EPHA3: variants seen among roughly 807,000 people sequenced by gnomAD.
EPHA3 encodes EPH receptor A3.
EPHA3 carries 42 observed loss-of-function variants against 107.1 expected under a neutral mutation model. The ratio of observed to expected loss-of-function variants is 0.39; its 90% confidence interval spans 0.31 to 0.51. The LOEUF (loss-of-function observed/expected upper bound fraction) is 0.51. Among genes scored for constraint, EPHA3 ranks in the 20% least tolerant of loss-of-function variants. The pLI is 0.78. For synonymous variants in EPHA3, 461 were observed against 424.8 expected (o/e 1.09, Z -1.05); for missense variants, 1,183 against 1,211.2 (o/e 0.98, Z 0.35).
At chr3:89,238,827 A>G (rs1704829926) in intron 3 of EPHA3, among the ~76,000 whole-genome samples, 1 of 152,190 alleles carries the variant, frequency 6.6e-6, no homozygotes, top group Non-Finnish European at 1.5e-5. Flanking sequence ...TAAACTACTC[A>G]TAGTGTTTAT....
chr3:89,450,062 G>A, intron 14 of EPHA3, 115 bp from the exon 15 acceptor site: 1 of 829,562 alleles, frequency 1.2e-6, no homozygotes. Context: ...AAAATGAGAA[G>A]TTTTCCCACT....
chr3:89,133,955 G>A (rs982896774), intron 2 of EPHA3, among the ~76,000 whole-genome samples: 7 of 151,732 alleles, frequency 4.6e-5, no homozygotes, highest in African/African-American at 9.7e-5. Flanking sequence ...ACTTTTCGTC[G>A]CACGTTACAA....
chr3:89,257,890 T>G (rs1434016381), intron 3 of EPHA3, among the ~76,000 whole-genome samples: 1 of 151,998 alleles, frequency 6.6e-6, no homozygotes, highest in Non-Finnish European at 1.5e-5. Context: ...CTGGCCAACA[T>G]GGATGCTAAG....
At chr3:89,350,593 G>C (rs535478971) in intron 5 of EPHA3, among the ~76,000 whole-genome samples, 1 of 149,410 alleles carries the variant, frequency 6.7e-6, no homozygotes, top group African/African-American at 2.5e-5. Flanking sequence ...TAATTTGATC[G>C]TCTGAAGCCT....
In EPHA3 at chr3:89,440,266, A is replaced by C. The variant is rs574978532; in HGVS notation, c.2346+8907A>C. On this transcript the variant is annotated intron_variant, in intron 13 of 16. Transcript: ENST00000336596. ...GTTCCACTTTTAACCTGAGAAGCTA[A>C]TATTTCCCTCCAGGTTAAATACTCA... 1.3e-4 allele frequency among the ~76,000 whole-genome samples: 20 copies of C among 152,290 alleles called. No individual in the cohort carries two copies. In the South Asian group the frequency reaches 4.1e-3, roughly 32 times the overall value.
At chr3:89,249,613 A>C (rs1705114605) in intron 3 of EPHA3, among the ~76,000 whole-genome samples, 1 of 151,894 alleles carries the variant, frequency 6.6e-6, no homozygotes, top group African/African-American at 2.4e-5. Flanking sequence ...GTCGTATGCC[A>C]CCATGCCCTG....
At chr3:89,224,507 T>C (rs1012564734) in intron 3 of EPHA3, among the ~76,000 whole-genome samples, 7 of 152,274 alleles carry the variant, frequency 4.6e-5, no homozygotes, top group Admixed American at 3.9e-4. Context: ...GGAAGATGGT[T>C]AGAAACAGCC....
At chr3:89,149,689 T>A (rs1297039766) in intron 2 of EPHA3, among the ~76,000 whole-genome samples, 1 of 141,716 alleles carries the variant, frequency 7.1e-6, no homozygotes, top group Non-Finnish European at 1.5e-5. Context: ...TGTGTCCATG[T>A]GTTCTCATTG....
intron 5 of EPHA3, among the ~76,000 whole-genome samples, chr3:89,359,828 T>TACAA (rs779168397): frequency 7.5e-6 from 1 of 134,040 alleles, no homozygotes; most frequent in Non-Finnish European, 1.6e-5. Flanking sequence ...TATACATATA[T>TACAA]ATATACATAT....
chr3:89,319,892 C>A (rs753590725), intron 3 of EPHA3, among the ~76,000 whole-genome samples: 2 of 151,730 alleles, frequency 1.3e-5, no homozygotes, highest in Non-Finnish European at 2.9e-5. Context: ...TTTTAAAACT[C>A]GTGGGCTTGT....
At chr3:89,406,256 A>G (rs1709052394) in intron 7 of EPHA3, among the ~76,000 whole-genome samples, 3 of 152,144 alleles carry the variant, frequency 2.0e-5, no homozygotes, top group Non-Finnish European at 2.9e-5. Context: ...AATCAGCAGA[A>G]TCAGCACTGC....
chr3:89,127,036 T>G (rs1044479618), intron 1 of EPHA3, among the ~76,000 whole-genome samples, 173 bp from the exon 2 acceptor site: 1 of 151,922 alleles, frequency 6.6e-6, no homozygotes, highest in African/African-American at 2.4e-5. Context: ...CTCTTAACTT[T>G]CCCTGTGTAT....
Position 89,408,089 on chromosome 3 carries a change from C to G in EPHA3, c.1720C>G (p.His574Asp). ...CAGGTTCTGTGGCTATAAGTCAAAA[C>G]ATGGGGCAGATGAAAAAAGACTTCA... is the stretch of plus-strand genomic sequence containing the variant. ...IGRFCGYKSK[H>D]GADEKRLHFG... The change falls in exon 9 of 17, where the codon CAT (histidine) becomes GAT (aspartate). Residue 574 changes from histidine (H) to aspartate (D), a missense_variant. Coordinates refer to ENST00000336596, the MANE Select transcript of EPHA3 (RefSeq NM_005233.6). The G allele has an allele frequency of 6.2e-7, 1 of 1,612,906 alleles. No individual in the cohort carries two copies. The highest frequency in any genetic ancestry group is 8.5e-7 in the Non-Finnish European group (1 of 1,179,134).
chr3:89,440,840 C>T lies in EPHA3; in HGVS notation c.2347-8385C>T, dbSNP rs139410673. On this transcript the variant is annotated intron_variant, in intron 13 of 16. Coordinates refer to ENST00000336596, the MANE Select transcript of EPHA3 (RefSeq NM_005233.6). ...TACCTTTTCTGTAAAACTCTATAGACGTAAATCGAGGTGACACCCATGTGG... is the reference window on the plus strand; with the variant it reads ...TACCTTTTCTGTAAAACTCTATAGATGTAAATCGAGGTGACACCCATGTGG... Among the ~76,000 whole-genome samples, 230 of 152,240 alleles carry T rather than the reference C, an allele frequency of 1.5e-3. 1 individual carries two copies. Among genetic ancestry groups the T allele is most frequent in the Admixed American group, 6.1e-3 (93 of 15,278 alleles).
At chr3:89,412,647 T>A (rs913648233) in intron 9 of EPHA3, among the ~76,000 whole-genome samples, 1 of 151,762 alleles carries the variant, frequency 6.6e-6, no homozygotes, top group Non-Finnish European at 1.5e-5. Context: ...TCAGAAGGTA[T>A]GCCATTATAT....
At chr3:89,319,645 C>T (rs1348702391) in intron 3 of EPHA3, among the ~76,000 whole-genome samples, 1 of 151,898 alleles carries the variant, frequency 6.6e-6, no homozygotes, top group East Asian at 1.9e-4. Context: ...AGAGGAAGGG[C>T]CCTCTCTTAT....
chr3:89,204,105 T>A (rs1350429688), intron 2 of EPHA3, among the ~76,000 whole-genome samples: 1 of 152,214 alleles, frequency 6.6e-6, no homozygotes, highest in Non-Finnish European at 1.5e-5. Context: ...TTCCTAGCTC[T>A]TCTCACTCTC....
chr3:89,451,080 G>A (rs373911936), intron 15 of EPHA3, among the ~76,000 whole-genome samples: 21 of 152,208 alleles, frequency 1.4e-4, no homozygotes, highest in South Asian at 6.2e-4. Flanking sequence ...TCTATATTGC[G>A]TATCAATTAC....
intron 13 of EPHA3, among the ~76,000 whole-genome samples, chr3:89,442,009 G>A (rs1172775038): frequency 1.3e-5 from 2 of 152,060 alleles, no homozygotes; most frequent in Non-Finnish European, 2.9e-5. Context: ...TTTGCTGTTG[G>A]AGCAAGCACT....
Sources: gnomAD v4.1 joint callset for allele counts (sites outside exome capture counted in the v4.1 genomes callset) on GRCh38, gnomAD v4.1.1 for gene constraint, MANE v1.5 for transcripts, NCBI Gene and HGNC (gene_info 2026-07-23, HGNC 2026-07-21) for gene names.